TBC1D12: variants seen among roughly 807,000 people sequenced by gnomAD.
The protein encoded by TBC1D12 is TBC1 domain family, member 12.
A neutral mutation model predicts 86.7 loss-of-function variants in TBC1D12; 56 were observed. The ratio of observed to expected loss-of-function variants is 0.65; its 90% CI spans 0.52 to 0.81. The LOEUF is 0.81. Among genes scored for constraint, TBC1D12 ranks in the 30% least tolerant of loss-of-function variants. The pLI is 0.00. For missense variants in TBC1D12, 1,023 were observed against 1,038.8 expected, an observed-to-expected ratio of 0.98 and a Z score of 0.21; for synonymous variants, 421 against 411.7, an observed-to-expected ratio of 1.02 and a Z score of -0.27.
chr10:94,489,332 C>G (rs115240138), intron 3 of TBC1D12, among the ~76,000 whole-genome samples: 1 of 152,178 alleles, frequency 6.6e-6, no homozygotes, highest in Non-Finnish European at 1.5e-5. Flanking sequence ...TGTGTTGTTC[C>G]TCCCCTGAGT....
intron 9 of TBC1D12, among the ~76,000 whole-genome samples, chr10:94,512,894 T>G: frequency 6.6e-6 from 1 of 152,258 alleles, no homozygotes; most frequent in Non-Finnish European, 1.5e-5. Flanking sequence ...GTAAGTTTAC[T>G]TGTAAATAAT....
At position 94,493,443 on chromosome 10, in the gene TBC1D12, A is replaced by G. The variant is rs1589656193; in HGVS notation, c.1290A>G (p.Lys430=). Reference sequence around the variant, plus strand: ...ATGAGATGGTGGCTGAGGCTAAAAAACGAGGTATAAAATTTAACTCCAAAT... The same window carrying G: ...ATGAGATGGTGGCTGAGGCTAAAAAGCGAGGTATAAAATTTAACTCCAAAT... ...EYDEMVAEAK[K]REIKEAHKRK... is the part of the protein sequence containing the mutation. Residue 430 remains lysine (K), a synonymous_variant, in exon 4 of 13, where the codon AAA becomes AAG. Transcript: ENST00000225235. The G allele has an allele frequency of 6.2e-7, 1 of 1,609,722 alleles. No individual in the cohort carries two copies.
At chr10:94,482,291 G>T (rs994214102) in intron 3 of TBC1D12, among the ~76,000 whole-genome samples, 1 of 152,126 alleles carries the variant, frequency 6.6e-6, no homozygotes, top group Non-Finnish European at 1.5e-5. Flanking sequence ...GTTTGTGGAA[G>T]ATAATAGCCT....
Position 94,465,702 on chromosome 10 carries a change from ATATACG to A in TBC1D12, c.1096-8954_1096-8949del, listed in dbSNP as rs1244130791. On this transcript the variant is annotated intron_variant, in intron 2 of 12. Coordinates refer to ENST00000225235, the MANE Select transcript of TBC1D12 (RefSeq NM_015188.2). ...TGTGTGTGTGTGTGTGTGTGTACAT[ATATACG>A]TATACGTATACATACATACATACAT... is the stretch of plus-strand genomic sequence containing the variant. Among the ~76,000 whole-genome samples the A allele has an allele frequency of 8.9e-5, 10 of 112,064 alleles. No homozygotes were observed. The South Asian group carries it at 2.7e-3, about 30-fold the overall frequency. 73.5% of individuals were successfully genotyped at this position (112,064 alleles called of 152,430 possible).
intron 1 of TBC1D12, among the ~76,000 whole-genome samples, chr10:94,433,827 A>T (rs2055253757): frequency 6.6e-6 from 1 of 152,196 alleles, no homozygotes; most frequent in Non-Finnish European, 1.5e-5. Context: ...CTCTGCTTTA[A>T]TAATTTATAC....
intron 2 of TBC1D12, among the ~76,000 whole-genome samples, chr10:94,470,712 CT>C (rs1187606730): frequency 6.4e-4 from 56 of 87,702 alleles, no homozygotes; most frequent in African/African-American, 1.0e-3. Context: ...TTTTTTTTTA[CT>C]TTTTTTTTTA....
At chr10:94,425,472 A>G (rs745992775) in intron 1 of TBC1D12, among the ~76,000 whole-genome samples, 20 of 152,244 alleles carry the variant, frequency 1.3e-4, no homozygotes, top group Non-Finnish European at 2.4e-4. Context: ...ATCATGTTCA[A>G]TTAATTTCTC....
intron 3 of TBC1D12, among the ~76,000 whole-genome samples, chr10:94,485,925 C>T (rs1314061743): frequency 4.6e-5 from 7 of 152,018 alleles, no homozygotes; most frequent in African/African-American, 1.4e-4. Context: ...CAACCACAAA[C>T]GATCCTTTGA....
intron 2 of TBC1D12, among the ~76,000 whole-genome samples, chr10:94,456,792 C>T (rs1463188270): frequency 6.6e-6 from 1 of 152,182 alleles, no homozygotes; most frequent in Non-Finnish European, 1.5e-5. Flanking sequence ...ATAGTAGATT[C>T]ATCTATTACT....
At chr10:94,419,630 C>T (rs925790447) in intron 1 of TBC1D12, among the ~76,000 whole-genome samples, 1 of 152,090 alleles carries the variant, frequency 6.6e-6, no homozygotes, top group Non-Finnish European at 1.5e-5. Context: ...GATTGCGCCA[C>T]TGCACTCTAG....
chr10:94,402,545 C>G lies in TBC1D12; in HGVS notation c.-69C>G, dbSNP rs1054431040. ...GTCGCCGCGGCCCCAGCACCCAGAG[C>G]TGTTCTCTGGCCAAGCCTGCGCCTG... On this transcript the variant is annotated 5_prime_UTR_variant, in exon 1 of 13. Transcript: ENST00000225235. The G allele has an allele frequency of 8.9e-6, 14 of 1,566,848 alleles. No individual in the cohort carries two copies. Among genetic ancestry groups the G allele is most frequent in the Non-Finnish European group, 1.2e-5 (14 of 1,156,582 alleles).
chr10:94,456,178 A>G (rs983510003), intron 2 of TBC1D12, among the ~76,000 whole-genome samples: 1 of 151,876 alleles, frequency 6.6e-6, no homozygotes, highest in Non-Finnish European at 1.5e-5. Flanking sequence ...TTTCAATTTT[A>G]TTGATTCCTG....
chr10:94,477,154 T>C (rs1467778604), intron 3 of TBC1D12, among the ~76,000 whole-genome samples: 3 of 152,198 alleles, frequency 2.0e-5, no homozygotes, highest in African/African-American at 7.2e-5. Context: ...TGTTATAGCT[T>C]TTATTCTGTT....
intron 3 of TBC1D12, among the ~76,000 whole-genome samples, chr10:94,491,048 C>T (rs1447126387): frequency 7.9e-5 from 12 of 152,130 alleles, no homozygotes; most frequent in Non-Finnish European, 5.9e-5. Context: ...GATTGATGGA[C>T]CACTGAGACC....
At chr10:94,519,907 T>C (rs528835700) in intron 9 of TBC1D12, among the ~76,000 whole-genome samples, 18 of 152,072 alleles carry the variant, frequency 1.2e-4, no homozygotes, top group Non-Finnish European at 2.4e-4. Context: ...ATCTGTAGAG[T>C]CCCTTTTACC....
In TBC1D12 at chr10:94,510,185, G is replaced by A. The variant is rs2056509573; in HGVS notation, c.1689+6G>A. On this transcript the variant is annotated splice_donor_region_variant and intron_variant, in intron 8 of 12. Coordinates refer to ENST00000225235, the MANE Select transcript of TBC1D12 (RefSeq NM_015188.2). ...CTCTCTACATCTTTCAGAAGGTGAG[G>A]GTTTCTAACCAGCTTGTAATTACTT... is the stretch of plus-strand genomic sequence containing the variant. 6.4e-7 allele frequency: 1 copy of A among 1,566,152 alleles called. No homozygotes were observed. The highest frequency in any genetic ancestry group is 8.6e-7 in the Non-Finnish European group (1 of 1,161,430).
intron 1 of TBC1D12, among the ~76,000 whole-genome samples, chr10:94,441,647 G>A (rs112823949): frequency 1.3e-3 from 200 of 152,260 alleles, no homozygotes; most frequent in African/African-American, 4.4e-3. Context: ...ACAGGTATAC[G>A]TGTGCCATGG....
At chr10:94,453,964 A>G (rs2134109375) in intron 2 of TBC1D12, among the ~76,000 whole-genome samples, 1 of 152,196 alleles carries the variant, frequency 6.6e-6, no homozygotes, top group South Asian at 2.1e-4. Context: ...GTTCTGTTCC[A>G]TTGATCTATT....
Position 94,534,565 on chromosome 10 carries a change from C to T in TBC1D12, c.*1469C>T, listed in dbSNP as rs938855886. 1 of 152,110 alleles carries T rather than the reference C, an allele frequency of 6.6e-6. No homozygotes were observed. Among genetic ancestry groups the T allele is most frequent in the African/African-American group, 2.4e-5 (1 of 41,412 alleles). The allele number at this position is 152,110 out of a possible 1,614,324, so 9.4% of individuals were successfully genotyped here. A position where few individuals can be genotyped will look rare whatever the true frequency, so the allele number is the denominator to read the frequency against. On this transcript the variant is annotated 3_prime_UTR_variant, in exon 13 of 13. Transcript: ENST00000225235. ...CAACCGCCAAGAAATGCATGATTTC[C>T]CTGCCAACTCTAGGAAGTAGTGCTG...
Sources: allele counts gnomAD v4.1 joint callset (sites outside exome capture counted in the v4.1 genomes callset), GRCh38; gene constraint gnomAD v4.1.1; transcripts MANE v1.5; gene names NCBI Gene and HGNC (gene_info 2026-07-23, HGNC 2026-07-21).